STAC: variants seen among roughly 807,000 people sequenced by gnomAD.
STAC encodes SH3 and cysteine rich domain, also known as SH3 and cysteine-rich domain-containing protein.
Under a neutral mutation model 48.8 loss-of-function variants are expected in STAC, and 43 were observed. The ratio of observed to expected loss-of-function variants is 0.88; its 90% CI spans 0.69 to 1.14. The LOEUF is 1.14. STAC is among the 50% of genes most tolerant of loss of function. STAC has a pLI of 0.00. For missense variants in STAC, 497 were observed against 504.0 expected, an observed-to-expected ratio of 0.99 and a Z score of 0.13; for synonymous variants, 193 against 179.5, an observed-to-expected ratio of 1.07 and a Z score of -0.60.
Position 36,473,951 on chromosome 3 carries a change from G to C in STAC, c.389-9041G>C, listed in dbSNP as rs150362710. Among the ~76,000 whole-genome samples, 194 of 152,278 alleles carry C rather than the reference G, an allele frequency of 1.3e-3. 1 individual carries two copies. Among genetic ancestry groups the C allele is most frequent in the African/African-American group, 4.4e-3 (183 of 41,552 alleles). On this transcript the variant is annotated intron_variant, in intron 2 of 10. Coordinates refer to ENST00000273183, the MANE Select transcript of STAC (RefSeq NM_003149.3). ...TAGGTGTGTGACAAAACTAGAAAGA[G>C]CAGCATACACTTACATTGGCTACTG...
At chr3:36,474,834 G>A (rs1350146) in intron 2 of STAC, among the ~76,000 whole-genome samples, 24,207 of 152,048 alleles carry the variant, frequency 0.16, 2,354 homozygotes, top group East Asian at 0.31. Flanking sequence ...TTAATAAAGC[G>A]AGGAAGCATC....
rs534810174 is a variant in STAC at position 36,435,533 on chromosome 3, A to C, written c.112-7831A>C. ...AAACAAAACATGACAGAAAAAAAAA[A>C]CTCCCTGGATGCTACATTTCCCTTC... On this transcript the variant is annotated intron_variant, in intron 1 of 10. Transcript: ENST00000273183. Among the ~76,000 whole-genome samples the C allele has an allele frequency of 2.0e-5, 3 of 151,674 alleles. No individual in the cohort carries two copies. The South Asian group carries it at 6.3e-4, about 32-fold the overall frequency.
intron 6 of STAC, among the ~76,000 whole-genome samples, chr3:36,499,054 A>T (rs1698221109): frequency 6.6e-6 from 1 of 152,200 alleles, no homozygotes; most frequent in Non-Finnish European, 1.5e-5. Context: ...CTTAACCTAG[A>T]ATTGTAAATG....
intron 1 of STAC, among the ~76,000 whole-genome samples, chr3:36,432,442 C>G (rs1700728149): frequency 6.6e-6 from 1 of 152,200 alleles, no homozygotes; most frequent in Non-Finnish European, 1.5e-5. Context: ...TGGCTCACAC[C>G]TGTAATCTCA....
At chr3:36,455,262 G>A (rs377025894) in intron 2 of STAC, among the ~76,000 whole-genome samples, 73 of 152,276 alleles carry the variant, frequency 4.8e-4, no homozygotes, top group Non-Finnish European at 7.8e-4. Context: ...TAGAAATATT[G>A]CCCAGGTCAG....
chr3:36,406,853 A>G (rs1422544981), intron 1 of STAC, among the ~76,000 whole-genome samples: 1 of 152,214 alleles, frequency 6.6e-6, no homozygotes, highest in Non-Finnish European at 1.5e-5. Context: ...CTGCTCTATT[A>G]TCTTACACAA....
intron 2 of STAC, among the ~76,000 whole-genome samples, chr3:36,445,965 GC>G (rs1198096767): frequency 1.3e-5 from 2 of 152,156 alleles, no homozygotes; most frequent in East Asian, 3.9e-4. Flanking sequence ...CAACACCTGT[GC>G]CTTGAAGATG....
chr3:36,539,850 C>T (rs1003287753), intron 10 of STAC, among the ~76,000 whole-genome samples: 1 of 152,116 alleles, frequency 6.6e-6, no homozygotes, highest in Non-Finnish European at 1.5e-5. Context: ...GTCCTTTTAT[C>T]CTGTGGTAGG....
At chr3:36,499,674 A>G (rs1187682115) in intron 6 of STAC, among the ~76,000 whole-genome samples, 1 of 152,116 alleles carries the variant, frequency 6.6e-6, no homozygotes, top group Non-Finnish European at 1.5e-5. Flanking sequence ...GATAAAAGAA[A>G]GATTTTCAGA....
At chr3:36,400,311 G>A (rs1699975213) in intron 1 of STAC, among the ~76,000 whole-genome samples, 1 of 152,186 alleles carries the variant, frequency 6.6e-6, no homozygotes, top group Non-Finnish European at 1.5e-5. Flanking sequence ...ATGGTCATTT[G>A]TCCACGTGTT....
chr3:36,483,153 G>C, intron 3 of STAC, 61 bp downstream of exon 3: 1 of 1,301,956 alleles, frequency 7.7e-7, no homozygotes, highest in Non-Finnish European at 1.1e-6. Context: ...GCCTGCTGCA[G>C]TGAGATCACC....
At chr3:36,530,789 G>T (rs1192203536) in intron 10 of STAC, among the ~76,000 whole-genome samples, 2 of 151,442 alleles carry the variant, frequency 1.3e-5, no homozygotes, top group Non-Finnish European at 2.9e-5. Flanking sequence ...GTACAGTCAG[G>T]ATTTCTCCAT....
rs11267408 is a variant in STAC at position 36,492,031 on chromosome 3, AATATATATATAT to A, written c.688-1095_688-1084del. Among the ~76,000 whole-genome samples the A allele has an allele frequency of 6.0e-3, 98 of 16,430 alleles. 1 individual carries two copies. The highest frequency in any genetic ancestry group is 0.022 in the South Asian group (4 of 180). 10.8% of individuals were successfully genotyped at this position (16,430 alleles called of 152,430 possible). On this transcript the variant is annotated intron_variant, in intron 5 of 10. Coordinates refer to ENST00000273183, the MANE Select transcript of STAC (RefSeq NM_003149.3). ...AAAAAAAAAAAAAAAAAAAAAAAAAAATATATATATATATATATATATATATATATATATATG... is the reference window on the plus strand; with the variant it reads ...AAAAAAAAAAAAAAAAAAAAAAAAAAATATATATATATATATATATATATG...
At chr3:36,386,715 A>T (rs1699624299) in intron 1 of STAC, among the ~76,000 whole-genome samples, 1 of 152,102 alleles carries the variant, frequency 6.6e-6, no homozygotes, top group African/African-American at 2.4e-5. Context: ...GCAAGTTTCT[A>T]TTCTGCCCAT....
intron 8 of STAC, among the ~76,000 whole-genome samples, chr3:36,528,467 A>T (rs1387456589): frequency 9.6e-5 from 10 of 104,518 alleles, no homozygotes; most frequent in East Asian, 4.1e-4. Flanking sequence ...GACTCTGTTT[A>T]AAAAAAAAAA....
chr3:36,421,520 G>A (rs2125644716), intron 1 of STAC, among the ~76,000 whole-genome samples: 1 of 152,148 alleles, frequency 6.6e-6, no homozygotes, highest in South Asian at 2.1e-4. Flanking sequence ...GAAAAGAGAT[G>A]TCTCTTTTCA....
At chr3:36,521,294 T>A (rs571324338) in intron 8 of STAC, among the ~76,000 whole-genome samples, 1 of 152,146 alleles carries the variant, frequency 6.6e-6, no homozygotes, top group Non-Finnish European at 1.5e-5. Flanking sequence ...GCATGGGTGG[T>A]GCAAGAGGCA....
At chr3:36,395,583 G>A (rs2885139) in intron 1 of STAC, among the ~76,000 whole-genome samples, 5 of 151,864 alleles carry the variant, frequency 3.3e-5, no homozygotes, top group African/African-American at 1.2e-4. Flanking sequence ...TCTAAGATCC[G>A]AGCCAGAAAT....
chr3:36,443,560 C>A lies in STAC; in HGVS notation c.308C>A (p.Pro103Gln), dbSNP rs111403865. ...ACACCCGCCAGGGCTGGTCTGCATC[C>A]AGGTGGCAAGGCTCATGCCTTTCAG... is the stretch of plus-strand genomic sequence containing the variant. Reference protein sequence around the residue: ...TSTPARAGLHPGGKAHAFQEY... With the variant: ...TSTPARAGLHQGGKAHAFQEY... The change falls in exon 2 of 11, where the codon CCA becomes CAA. Residue 103 changes from proline (P) to glutamine (Q), a missense_variant. Pro to Gln is a moderately conservative substitution (Grantham distance 76, BLOSUM62 -1). Coordinates refer to ENST00000273183, the MANE Select transcript of STAC (RefSeq NM_003149.3). The surrounding 1 kb of genome is among the most constrained non-coding windows in gnomAD (Gnocchi z 4.2). 6.2e-7 allele frequency: 1 copy of A among 1,614,084 alleles called. No individual in the cohort carries two copies. Among genetic ancestry groups the A allele is most frequent in the Non-Finnish European group, 8.5e-7 (1 of 1,180,044 alleles).
Sources: gnomAD v4.1 joint callset for allele counts (sites outside exome capture counted in the v4.1 genomes callset) on GRCh38, gnomAD v4.1.1 for gene constraint, Gnocchi (gnomAD v3.1) non-coding constraint, MANE v1.5 for transcripts, NCBI Gene and HGNC (gene_info 2026-07-23, HGNC 2026-07-21) for gene names.